The following NREP variants were observed in gnomAD, a reference collection of about 807,000 sequenced individuals.
NREP encodes the protein neuronal regeneration-related protein.
Under a neutral mutation model 8.6 loss-of-function variants are expected in NREP, and 5 were observed. The ratio of observed to expected loss-of-function variants is 0.58; its 90% CI spans 0.30 to 1.22. The LOEUF (loss-of-function observed/expected upper bound fraction) is 1.22, where lower values mean the gene tolerates loss of function less well. NREP is among the 50% of genes most tolerant of loss of function. The pLI is 0.07. For synonymous variants in NREP, 27 were observed against 28.0 expected, an observed-to-expected ratio of 0.96 and a Z score of 0.11; for missense variants, 86 against 82.5, an observed-to-expected ratio of 1.04 and a Z score of -0.17.
intron 2 of NREP, among the ~76,000 whole-genome samples, chr5:111,905,501 C>T (rs1222085265): frequency 6.6e-6 from 1 of 152,032 alleles, no homozygotes; most frequent in East Asian, 1.9e-4. Flanking sequence ...AATAGCGGTC[C>T]ATGGAAGACT....
At chr5:111,776,769 T>C (rs1439523598) in intron 2 of NREP, among the ~76,000 whole-genome samples, 4 of 152,176 alleles carry the variant, frequency 2.6e-5, no homozygotes, top group Admixed American at 6.6e-5. Context: ...ACTGTAGTGA[T>C]AGAAGTTAGA....
intron 2 of NREP, among the ~76,000 whole-genome samples, chr5:111,866,317 C>T (rs979593478): frequency 1.3e-5 from 2 of 151,804 alleles, no homozygotes; most frequent in South Asian, 2.1e-4. Context: ...AAAAAAAACC[C>T]GATCAAAAAG....
intron 2 of NREP, among the ~76,000 whole-genome samples, chr5:111,776,386 A>C (rs1252914810): frequency 6.6e-6 from 1 of 152,168 alleles, no homozygotes; most frequent in Non-Finnish European, 1.5e-5. Context: ...CAAAATTGGA[A>C]CATCTATTTT....
intron 2 of NREP, among the ~76,000 whole-genome samples, chr5:111,945,733 T>C (rs1157071307): frequency 6.6e-6 from 1 of 150,494 alleles, no homozygotes. Flanking sequence ...CATGATATCA[T>C]TAGGACACTA....
chr5:111,971,034 C>A (rs1756802159), intron 2 of NREP, among the ~76,000 whole-genome samples: 1 of 151,968 alleles, frequency 6.6e-6, no homozygotes, highest in Non-Finnish European at 1.5e-5. Flanking sequence ...CAGGGAGAAA[C>A]CATTTTTAAC....
At chr5:111,744,583 C>A (rs1431540977) in intron 2 of NREP, among the ~76,000 whole-genome samples, 1 of 152,106 alleles carries the variant, frequency 6.6e-6, no homozygotes, top group Non-Finnish European at 1.5e-5. Flanking sequence ...CCCCTGCACA[C>A]CACCTGGGTT....
At chr5:111,847,070 A>T (rs1025999214) in intron 2 of NREP, among the ~76,000 whole-genome samples, 1 of 152,140 alleles carries the variant, frequency 6.6e-6, no homozygotes, top group Non-Finnish European at 1.5e-5. Flanking sequence ...CTTCAGTTCC[A>T]TGAGGCTACT....
At chr5:111,875,986 G>A (rs1214808684) in intron 2 of NREP, among the ~76,000 whole-genome samples, 1 of 152,152 alleles carries the variant, frequency 6.6e-6, no homozygotes, top group African/African-American at 2.4e-5. Context: ...GATCTACATA[G>A]AGCACAAATA....
intron 2 of NREP, among the ~76,000 whole-genome samples, chr5:111,809,493 C>T (rs1174820341): frequency 6.6e-6 from 1 of 152,132 alleles, no homozygotes; most frequent in Non-Finnish European, 1.5e-5. Context: ...TGGCTCAATG[C>T]CATTCCCAGT....
intron 2 of NREP, among the ~76,000 whole-genome samples, chr5:111,801,336 G>C (rs1752001336): frequency 1.3e-5 from 2 of 152,152 alleles, no homozygotes; most frequent in Non-Finnish European, 2.9e-5. Context: ...GTGCAGAGAG[G>C]CCACACTTTA....
chr5:111,822,473 G>T (rs542950577), intron 2 of NREP, among the ~76,000 whole-genome samples: 18 of 152,216 alleles, frequency 1.2e-4, no homozygotes, highest in Non-Finnish European at 7.3e-5. Context: ...TATCAATCGG[G>T]ATTCCTGAAA....
chr5:111,969,733 T>TAC (rs1202485066), intron 2 of NREP, among the ~76,000 whole-genome samples: 4 of 152,204 alleles, frequency 2.6e-5, no homozygotes, highest in Non-Finnish European at 5.9e-5. Context: ...GGAGCAGTTT[T>TAC]ACATATACTG....
intron 2 of NREP, among the ~76,000 whole-genome samples, chr5:111,799,980 T>C (rs556139371): frequency 1.2e-4 from 19 of 152,226 alleles, no homozygotes; most frequent in South Asian, 4.2e-4. Flanking sequence ...AGTGCGGTGG[T>C]GTGATCTCAG....
chr5:111,883,442 G>A (rs1397365408), intron 2 of NREP, among the ~76,000 whole-genome samples: 14 of 152,190 alleles, frequency 9.2e-5, no homozygotes, highest in African/African-American at 2.4e-5. Flanking sequence ...AGGATACCCA[G>A]GAATTGAACT....
rs939798970 is a variant in NREP, at chr5:111,772,700, G to A, written c.136-37193C>T. Among the ~76,000 whole-genome samples the A allele has an allele frequency of 9.2e-5, 14 of 151,518 alleles. 1 individual carries two copies. Among genetic ancestry groups the A allele is most frequent in the African/African-American group, 3.4e-4 (14 of 41,238 alleles). On this transcript the variant is annotated intron_variant, in intron 2 of 3. Transcript: ENST00000395634. ...TATGGGAACTGCAATCACAGCCTTC[G>A]ACCCGGGAAAGCAGCATGTTTCCCA...
rs113845957 is a variant in NREP, at chr5:111,873,694, C to T, written c.135+101580G>A. Among the ~76,000 whole-genome samples the T allele has an allele frequency of 4.1e-3, 630 of 152,260 alleles. 1 individual carries two copies. Among genetic ancestry groups the T allele is most frequent in the African/African-American group, 0.014 (578 of 41,554 alleles). ...ACTCATATGATCAGAATGGGCCTAC[C>T]CAAATAATCCAGGATAATCCCCCCA... On this transcript the variant is annotated intron_variant, in intron 2 of 3. Transcript: ENST00000395634.
chr5:111,890,643 C>T (rs900847691), intron 2 of NREP, among the ~76,000 whole-genome samples: 1 of 152,234 alleles, frequency 6.6e-6, no homozygotes, highest in Non-Finnish European at 1.5e-5. Context: ...TGTGCCCTCA[C>T]AGACTTAACA....
intron 2 of NREP, among the ~76,000 whole-genome samples, chr5:111,785,148 GT>G (rs1243935519): frequency 6.6e-6 from 1 of 152,148 alleles, no homozygotes; most frequent in Non-Finnish European, 1.5e-5. Context: ...TAGCAACCCT[GT>G]TTCATTTCTT....
At chr5:111,946,935 C>T (rs189238388) in intron 2 of NREP, among the ~76,000 whole-genome samples, 48 of 152,088 alleles carry the variant, frequency 3.2e-4, no homozygotes, top group African/African-American at 1.1e-3. Flanking sequence ...ATAATAATTC[C>T]TATAAATAAT....
Sources: gnomAD v4.1 joint callset for allele counts (sites outside exome capture counted in the v4.1 genomes callset) on GRCh38, gnomAD v4.1.1 for gene constraint, MANE v1.5 for transcripts, NCBI Gene and HGNC (gene_info 2026-07-23, HGNC 2026-07-21) for gene names.